KIF15: variants seen among roughly 807,000 people sequenced by gnomAD.
KIF15 encodes the protein kinesin family member 15.
KIF15 carries 140 observed loss-of-function variants against 190.6 expected under a neutral mutation model. The observed-to-expected ratio is 0.73, with a 90% CI of 0.64 to 0.84. The LOEUF (loss-of-function observed/expected upper bound fraction) is 0.84, where lower values mean the gene tolerates loss of function less well. KIF15 is among the 40% of genes least tolerant of loss of function. The pLI is 0.00. For synonymous variants in KIF15, 528 were observed against 551.3 expected, an observed-to-expected ratio of 0.96 and a Z score of 0.59; for missense variants, 1,372 against 1,584.4, an observed-to-expected ratio of 0.87 and a Z score of 2.28.
At position 44,827,464 on chromosome 3, in the gene KIF15, T is replaced by C. The variant is rs139375114; in HGVS notation, c.2792T>C (p.Ile931Thr). 4.3e-4 allele frequency: 691 copies of C among 1,608,606 alleles called. 1 individual carries two copies. Among genetic ancestry groups the C allele is most frequent in the Non-Finnish European group, 4.6e-4 (543 of 1,175,728 alleles). ...AGATAATTATTCTCTTCCAGAGAAA[T>C]CTTAAAAGTTCTTGAGGCTGTACGT... The part of the protein sequence containing the change: ...EEDKENSSKE[I>T]LKVLEAVRQE... The change falls in exon 23 of 35, where the codon ATC (isoleucine) becomes ACC (threonine). Residue 931 changes from isoleucine (I) to threonine (T), a missense_variant. Ile to Thr is a moderately conservative substitution (Grantham distance 89). Transcript: ENST00000326047.
chr3:44,845,868 G>A (rs1467950341), intron 30 of KIF15, among the ~76,000 whole-genome samples: 2 of 152,080 alleles, frequency 1.3e-5, no homozygotes, highest in Non-Finnish European at 2.9e-5. Flanking sequence ...ATGAATAAAC[G>A]CCAACTCCTG....
intron 4 of KIF15, among the ~76,000 whole-genome samples, chr3:44,778,743 C>A (rs532360833): frequency 4.6e-5 from 7 of 151,916 alleles, no homozygotes; most frequent in Admixed American, 2.6e-4. Flanking sequence ...CTTTGGGAGG[C>A]TGAGGTGGAT....
chr3:44,866,995 G>C (rs1292321144), intron 6 of KIF15, among the ~76,000 whole-genome samples: 6 of 152,238 alleles, frequency 3.9e-5, no homozygotes. Flanking sequence ...CCAGGACAAA[G>C]CTGTAATTCA....
intron 6 of KIF15, among the ~76,000 whole-genome samples, chr3:44,867,380 C>T (rs184024835): frequency 6.3e-4 from 96 of 152,332 alleles, no homozygotes; most frequent in African/African-American, 2.2e-3. Flanking sequence ...CACCATTCTA[C>T]CAGTGAAGAA....
chr3:44,771,634 G>A (rs1335686334), intron 1 of KIF15, among the ~76,000 whole-genome samples: 1 of 152,148 alleles, frequency 6.6e-6, no homozygotes, highest in Non-Finnish European at 1.5e-5. Context: ...ATTACCGTAA[G>A]TTATTTATTT....
At chr3:44,773,142 A>AG (rs2125900459) in intron 1 of KIF15, among the ~76,000 whole-genome samples, 1 of 152,106 alleles carries the variant, frequency 6.6e-6, no homozygotes, top group Admixed American at 6.5e-5. Context: ...ATCTTAAAAA[A>AG]AAAAAAACAA....
chr3:44,824,452 G>A (rs2125685195), intron 20 of KIF15, among the ~76,000 whole-genome samples: 1 of 152,224 alleles, frequency 6.6e-6, no homozygotes, highest in East Asian at 1.9e-4. Flanking sequence ...TCTACTTGAA[G>A]TGCAGTGGTA....
rs373982535 is a variant in KIF15, at chr3:44,801,935, C to T, written c.1470C>T (p.Leu490=). 4 of 1,613,536 alleles carry T rather than the reference C, an allele frequency of 2.5e-6. No homozygotes were observed. In the African/African-American group the frequency reaches 4.0e-5, roughly 16 times the overall value. ...TGCCTGAGGAGCAGGATCGTTTGCT[C>T]TCAGAATTAAGGAATGAGATTCAAA... The part of the protein sequence containing the change: ...GFLPEEQDRL[L]SELRNEIQTL... Residue 490 remains leucine, a synonymous_variant, in exon 13 of 35, where the codon CTC becomes CTT. Transcript: ENST00000326047.
At chr3:44,772,766 C>T (rs745886676) in intron 1 of KIF15, among the ~76,000 whole-genome samples, 13 of 152,068 alleles carry the variant, frequency 8.5e-5, no homozygotes, top group Non-Finnish European at 1.5e-4. Flanking sequence ...AGATATCAAA[C>T]CAGAAAGGAC....
Position 44,805,874 on chromosome 3 carries a change from T to G in KIF15, c.1859T>G (p.Leu620Arg). ...RKRQLELESE[L>R]QSLQKANLNL... is the part of the protein sequence containing the mutation. The stretch of plus-strand genomic sequence containing the variant: ...AGGCAGCTAGAATTGGAATCAGAGC[T>G]TCAGTCTTTGCAAAAAGCGAACCTT... Residue 620 changes from leucine (L) to arginine (R), a missense_variant, in exon 16 of 35, where the codon CTT becomes CGT. Transcript: ENST00000326047. 1 of 1,614,074 alleles carries G rather than the reference T, an allele frequency of 6.2e-7. No individual in the cohort carries two copies. Among genetic ancestry groups the G allele is most frequent in the Non-Finnish European group, 8.5e-7 (1 of 1,179,974 alleles).
At chr3:44,833,103 C>T (rs1053394370) in intron 26 of KIF15, among the ~76,000 whole-genome samples, 2 of 151,424 alleles carry the variant, frequency 1.3e-5, no homozygotes, top group African/African-American at 4.9e-5. Flanking sequence ...ATTAAGAGCA[C>T]AGGCTACGGA....
intron 7 of KIF15, among the ~76,000 whole-genome samples, chr3:44,789,234 T>C (rs1706554470): frequency 6.6e-6 from 1 of 152,130 alleles, no homozygotes; most frequent in African/African-American, 2.4e-5. Context: ...TCTTAATACT[T>C]CTTTAACTTC....
intron 16 of KIF15, among the ~76,000 whole-genome samples, chr3:44,807,292 T>C (rs1707551698): frequency 6.6e-6 from 1 of 151,814 alleles, no homozygotes; most frequent in African/African-American, 2.4e-5. Context: ...TGGCACGATC[T>C]TGGCTCACTG....
intron 28 of KIF15, among the ~76,000 whole-genome samples, chr3:44,840,737 C>T (rs1033242193): frequency 6.0e-5 from 8 of 132,732 alleles, no homozygotes; most frequent in African/African-American, 2.0e-4. Flanking sequence ...GGCATGATCT[C>T]GGCTCACTGC....
intron 24 of KIF15, among the ~76,000 whole-genome samples, chr3:44,828,589 G>C (rs943219319): frequency 4.6e-5 from 7 of 152,104 alleles, no homozygotes; most frequent in Admixed American, 3.3e-4. Context: ...ACCCTTTCTT[G>C]TTGACTCTAA....
At chr3:44,829,510 CATATATATTAT>C (rs1469513905) in intron 24 of KIF15, among the ~76,000 whole-genome samples, 1 of 37,162 alleles carries the variant, frequency 2.7e-5, no homozygotes, top group East Asian at 2.7e-3. Context: ...ATAATATACG[CATATATATTAT>C]ATGTATATAA....
At chr3:44,823,474 C>T (rs998902539) in intron 20 of KIF15, among the ~76,000 whole-genome samples, 2 of 152,182 alleles carry the variant, frequency 1.3e-5, no homozygotes, top group South Asian at 4.1e-4. Flanking sequence ...GGTCAGGGAC[C>T]CACTTGAGGA....
At chr3:44,767,310 G>A (rs899346213) in intron 1 of KIF15, among the ~76,000 whole-genome samples, 6 of 152,146 alleles carry the variant, frequency 3.9e-5, no homozygotes, top group Non-Finnish European at 7.3e-5. Context: ...TTGCTGGCTT[G>A]GTTCTACACT....
chr3:44,841,373 G>T, intron 29 of KIF15, 135 bp downstream of exon 29: 1 of 582,858 alleles, frequency 1.7e-6, no homozygotes. Flanking sequence ...ATGCCACCAT[G>T]CCCAGCCAGT....
Sources: allele counts gnomAD v4.1 joint callset (sites outside exome capture counted in the v4.1 genomes callset), GRCh38; gene constraint gnomAD v4.1.1; transcripts MANE v1.5; gene names NCBI Gene and HGNC (gene_info 2026-07-23, HGNC 2026-07-21).